ATXN7: variants seen among roughly 807,000 people sequenced by gnomAD.
ATXN7 encodes ataxin 7, also known as ataxin-7.
A neutral mutation model predicts 70.5 loss-of-function variants in ATXN7; 12 were observed. That is an observed-to-expected ratio of 0.17 (90% confidence interval 0.11 to 0.28). The LOEUF (loss-of-function observed/expected upper bound fraction) is 0.28, where lower values mean the gene tolerates loss of function less well. ATXN7 is among the 10% of genes least tolerant of loss of function. The pLI is 1.00. For missense variants in ATXN7, 1,256 were observed against 1,131.7 expected, an observed-to-expected ratio of 1.11 and a Z score of -1.58; for synonymous variants, 498 against 448.7, an observed-to-expected ratio of 1.11 and a Z score of -1.39.
At chr3:63,907,049 G>C (rs73117036) in intron 2 of ATXN7, among the ~76,000 whole-genome samples, 15,637 of 152,260 alleles carry the variant, frequency 0.1, 989 homozygotes, top group Admixed American at 0.15. Context: ...TAGAATTAGG[G>C]CTTACTATGT....
At chr3:63,997,586 C>T (rs2075781211) in intron 12 of ATXN7, 3 of 1,530,512 alleles carry the variant, frequency 2.0e-6, no homozygotes, top group South Asian at 1.2e-5. Flanking sequence ...CTCTAACTTC[C>T]AGCTCATCTC....
At chr3:63,909,450 T>G (rs1163595565) in intron 2 of ATXN7, among the ~76,000 whole-genome samples, 1 of 152,214 alleles carries the variant, frequency 6.6e-6, no homozygotes, top group Non-Finnish European at 1.5e-5. Flanking sequence ...TATATTCTTT[T>G]TATAATTTGG....
intron 12 of ATXN7, 57 bp downstream of exon 12, chr3:63,996,540 T>G: frequency 6.4e-7 from 1 of 1,561,520 alleles, no homozygotes; most frequent in South Asian, 1.2e-5. Flanking sequence ...CTTAAGATCT[T>G]TTGTCAGCTC....
intron 8 of ATXN7, 82 bp from the exon 9 acceptor site, chr3:63,987,977 T>C (rs187168095): frequency 6.6e-7 from 1 of 1,518,194 alleles, no homozygotes; most frequent in East Asian, 2.3e-5. Flanking sequence ...TGCTTATTTA[T>C]TGGGAGTGGT....
intron 1 of ATXN7, among the ~76,000 whole-genome samples, chr3:63,866,407 T>C (rs1702431055): frequency 6.6e-6 from 1 of 152,142 alleles, no homozygotes; most frequent in Admixed American, 6.5e-5. Context: ...TGTTCCATGA[T>C]GCCTGGCTAA....
At chr3:63,956,705 G>A (rs1330637335) in intron 5 of ATXN7, among the ~76,000 whole-genome samples, 1 of 152,156 alleles carries the variant, frequency 6.6e-6, no homozygotes, top group Admixed American at 6.5e-5. Flanking sequence ...GTCCACTCTG[G>A]TGGAGCTGCT....
intron 12 of ATXN7, chr3:63,997,737 TAACTC>T (rs1354954734): frequency 1.3e-6 from 2 of 1,545,572 alleles, no homozygotes; most frequent in Admixed American, 2.0e-5. Flanking sequence ...CTTCAGAACT[TAACTC>T]AAATGCCAGC....
chr3:63,957,952 A>G (rs1007231025), intron 5 of ATXN7, among the ~76,000 whole-genome samples: 1 of 152,138 alleles, frequency 6.6e-6, no homozygotes, highest in African/African-American at 2.4e-5. Flanking sequence ...CACGTAAGAC[A>G]AATACCCTTT....
chr3:63,918,630 A>G (rs1164646469), intron 4 of ATXN7, among the ~76,000 whole-genome samples: 1 of 151,914 alleles, frequency 6.6e-6, no homozygotes, highest in Admixed American at 6.6e-5. Context: ...ATGGACTTCA[A>G]CTTATTTCCT....
At chr3:63,994,709 C>T (rs1361686152) in intron 11 of ATXN7, among the ~76,000 whole-genome samples, 1 of 152,232 alleles carries the variant, frequency 6.6e-6, no homozygotes, top group East Asian at 1.9e-4. Flanking sequence ...CAAGGCAATC[C>T]TGGCACTTGC....
chr3:63,916,607 A>G (rs1354123248), intron 4 of ATXN7, among the ~76,000 whole-genome samples: 1 of 152,192 alleles, frequency 6.6e-6, no homozygotes, highest in African/African-American at 2.4e-5. Context: ...TTTGTGGTTT[A>G]GGTAGTAAAC....
chr3:63,866,034 A>T (rs928819243), intron 1 of ATXN7, among the ~76,000 whole-genome samples: 1 of 150,036 alleles, frequency 6.7e-6, no homozygotes, highest in African/African-American at 2.5e-5. Flanking sequence ...TAATATTTTC[A>T]TGGGAAAGTA....
intron 5 of ATXN7, among the ~76,000 whole-genome samples, chr3:63,975,774 T>C (rs1019471555): frequency 2.6e-5 from 4 of 152,208 alleles, no homozygotes; most frequent in Admixed American, 2.6e-4. Context: ...CCACTACTAA[T>C]ATCCTGTCCT....
chr3:63,947,137 A>G (rs1477897692), intron 4 of ATXN7, among the ~76,000 whole-genome samples: 1 of 152,214 alleles, frequency 6.6e-6, no homozygotes, highest in African/African-American at 2.4e-5. Context: ...AATAACAATC[A>G]TGACTTTTAT....
chr3:63,916,822 C>G (rs1413509385), intron 4 of ATXN7, among the ~76,000 whole-genome samples: 1 of 152,094 alleles, frequency 6.6e-6, no homozygotes, highest in East Asian at 1.9e-4. Context: ...TTTGTATTGC[C>G]TTATTCTTGT....
At chr3:63,906,394 C>T (rs1245970535) in intron 2 of ATXN7, among the ~76,000 whole-genome samples, 2 of 152,228 alleles carry the variant, frequency 1.3e-5, no homozygotes, top group Non-Finnish European at 2.9e-5. Context: ...TCCTAGGTTT[C>T]ACCCCAAAGG....
chr3:63,890,283 T>C (rs1198317506), intron 1 of ATXN7, among the ~76,000 whole-genome samples: 1 of 152,158 alleles, frequency 6.6e-6, no homozygotes. Flanking sequence ...TTAAAGAATA[T>C]AATTATATCT....
chr3:64,002,021 G>C lies in ATXN7; in HGVS notation c.*2554G>C, dbSNP rs2075838262. 6.7e-6 allele frequency: 1 copy of C among 149,818 alleles called. No individual in the cohort carries two copies. The highest frequency in any genetic ancestry group is 2.5e-5 in the African/African-American group (1 of 40,696). 9.3% of individuals were successfully genotyped at this position (149,818 alleles called of 1,614,324 possible). A position where few individuals can be genotyped will look rare whatever the true frequency, so the allele number is the denominator to read the frequency against. On this transcript the variant is annotated 3_prime_UTR_variant, in exon 13 of 13. Coordinates refer to ENST00000674280, the MANE Select transcript of ATXN7 (RefSeq NM_001377405.1). The stretch of plus-strand genomic sequence containing the variant: ...TAACCTACAAAAAAAAAAAAAAAGT[G>C]CTGCAATGATGAACAAAGAATTATA...
At chr3:63,870,888 C>T (rs1042975852) in intron 1 of ATXN7, among the ~76,000 whole-genome samples, 1 of 152,082 alleles carries the variant, frequency 6.6e-6, no homozygotes, top group African/African-American at 2.4e-5. Flanking sequence ...GAGATTAGCT[C>T]TAGGATTGGT....
Sources: gnomAD v4.1 joint callset for allele counts (sites outside exome capture counted in the v4.1 genomes callset) on GRCh38, gnomAD v4.1.1 for gene constraint, MANE v1.5 for transcripts, NCBI Gene and HGNC (gene_info 2026-07-23, HGNC 2026-07-21) for gene names.